The following ME1 variants were observed in gnomAD, a reference collection of about 807,000 sequenced individuals.
ME1 encodes malic enzyme 1, also known as NADP-dependent malic enzyme.
In ME1, 74 loss-of-function variants were observed where a neutral mutation model predicts 66.4. That is an observed-to-expected ratio of 1.11 (90% CI 0.92 to 1.35). The LOEUF (loss-of-function observed/expected upper bound fraction) is 1.35. Among genes scored for constraint, ME1 ranks in the 40% most tolerant of loss-of-function variants. The pLI is 0.00. For missense variants in ME1, 750 were observed against 694.1 expected, an observed-to-expected ratio of 1.08 and a Z score of -0.90; for synonymous variants, 251 against 235.6, an observed-to-expected ratio of 1.07 and a Z score of -0.60.
chr6:83,389,892 G>T (rs1769586151), intron 3 of ME1, among the ~76,000 whole-genome samples: 1 of 152,014 alleles, frequency 6.6e-6, no homozygotes. Context: ...TGGAAATTCT[G>T]CAAGAATTAA....
At chr6:83,253,146 A>G (rs934255199) in intron 7 of ME1, among the ~76,000 whole-genome samples, 1 of 152,112 alleles carries the variant, frequency 6.6e-6, no homozygotes, top group African/African-American at 2.4e-5. Context: ...GAGAGGATTA[A>G]AAAACTAGAG....
At chr6:83,383,969 T>C (rs1178802380) in intron 3 of ME1, among the ~76,000 whole-genome samples, 2 of 151,780 alleles carry the variant, frequency 1.3e-5, no homozygotes, top group Non-Finnish European at 1.5e-5. Context: ...AAATTGACAA[T>C]TTGCTGCACC....
intron 5 of ME1, among the ~76,000 whole-genome samples, chr6:83,343,111 C>T (rs1768620285): frequency 6.6e-6 from 1 of 152,120 alleles, no homozygotes. Context: ...GAACTTATTC[C>T]TTCAATTGAC....
intron 1 of ME1, among the ~76,000 whole-genome samples, chr6:83,417,907 T>C (rs11969258): frequency 0.36 from 54,056 of 152,176 alleles, 10,018 homozygotes; most frequent in Middle Eastern, 0.49. Context: ...CTTTGTAATA[T>C]TATGTATACT....
chr6:83,223,802 TC>T lies in ME1; in HGVS notation c.1406del (p.Gly469AspfsTer2). 6.2e-7 allele frequency: 1 copy of T among 1,613,844 alleles called. No homozygotes were observed. The highest frequency in any genetic ancestry group is 8.5e-7 in the Non-Finnish European group (1 of 1,179,842). On this transcript the variant is annotated frameshift_variant, in exon 12 of 14. Coordinates refer to ENST00000369705, the MANE Select transcript of ME1 (RefSeq NM_002395.6). LOFTEE classifies it high-confidence loss of function. ...AAATATTATCTGTGATCTGCCTCAA[TC>T]CACACGCCACAACACCAAGAGCAAC... is the stretch of plus-strand genomic sequence containing the variant. ...PGVALGVVAC[G>X]LRQITDNIFL...
At chr6:83,382,331 G>A (rs1463284808) in intron 3 of ME1, among the ~76,000 whole-genome samples, 1 of 152,094 alleles carries the variant, frequency 6.6e-6, no homozygotes, top group Non-Finnish European at 1.5e-5. Flanking sequence ...TCTGGTAAAG[G>A]AAGGAAGGAG....
At chr6:83,394,659 G>A (rs1410109484) in intron 3 of ME1, among the ~76,000 whole-genome samples, 1 of 152,132 alleles carries the variant, frequency 6.6e-6, no homozygotes, top group African/African-American at 2.4e-5. Flanking sequence ...TTTAAGGACA[G>A]TACTTTCAGT....
chr6:83,217,528 G>T (rs186513870), intron 12 of ME1, among the ~76,000 whole-genome samples: 19 of 152,292 alleles, frequency 1.2e-4, no homozygotes, highest in Non-Finnish European at 2.4e-4. Flanking sequence ...GTCCTTGAGA[G>T]ATGTATAATT....
At chr6:83,262,169 A>G (rs1766912159) in intron 6 of ME1, among the ~76,000 whole-genome samples, 1 of 152,190 alleles carries the variant, frequency 6.6e-6, no homozygotes, top group Non-Finnish European at 1.5e-5. Flanking sequence ...AGGCCATCTG[A>G]TGGACGGCAA....
chr6:83,306,054 C>T (rs186305772), intron 6 of ME1, among the ~76,000 whole-genome samples: 32 of 152,114 alleles, frequency 2.1e-4, no homozygotes, highest in African/African-American at 7.2e-4. Context: ...AACAAAAGAC[C>T]TTATTTTAAC....
intron 3 of ME1, among the ~76,000 whole-genome samples, chr6:83,357,929 C>A (rs1393406725): frequency 6.4e-4 from 36 of 56,284 alleles, no homozygotes; most frequent in East Asian, 1.7e-3. Flanking sequence ...CTCTCTCTCT[C>A]TCTCTCTATA....
In ME1 at chr6:83,315,426, G is replaced by C; in HGVS notation, c.601-13C>G. ...CTTTAAGTAACTCCTATTAAAAAAA[G>C]TTACCATAAAAATAGAAATAACTAT... On this transcript the variant is annotated splice_polypyrimidine_tract_variant and intron_variant, in intron 5 of 13. Coordinates refer to ENST00000369705, the MANE Select transcript of ME1 (RefSeq NM_002395.6). 6.9e-7 allele frequency: 1 copy of C among 1,459,776 alleles called. No individual in the cohort carries two copies. The allele number at this position is 1,459,776 out of a possible 1,614,324, so 90.4% of individuals were successfully genotyped here.
At chr6:83,328,540 C>T (rs1768344971) in intron 5 of ME1, among the ~76,000 whole-genome samples, 1 of 152,048 alleles carries the variant, frequency 6.6e-6, no homozygotes, top group Non-Finnish European at 1.5e-5. Context: ...TTAAGATAAT[C>T]AAGGCTTGAA....
At chr6:83,325,928 A>C (rs1562481680) in intron 5 of ME1, among the ~76,000 whole-genome samples, 1 of 144,300 alleles carries the variant, frequency 6.9e-6, no homozygotes, top group Non-Finnish European at 1.5e-5. Flanking sequence ...AGCAAAAAAA[A>C]CACAAAAAAA....
intron 3 of ME1, among the ~76,000 whole-genome samples, chr6:83,360,270 G>T (rs961585546): frequency 1.3e-5 from 2 of 152,082 alleles, no homozygotes; most frequent in African/African-American, 2.4e-5. Context: ...GGAGACCTCT[G>T]GCCTTTTACC....
chr6:83,240,214 A>C (rs1488985301), intron 7 of ME1, among the ~76,000 whole-genome samples: 1 of 152,016 alleles, frequency 6.6e-6, no homozygotes. Context: ...TCAGAACCTG[A>C]GATAGGAGGA....
chr6:83,218,920 T>G (rs896791512), intron 12 of ME1, among the ~76,000 whole-genome samples: 1 of 152,184 alleles, frequency 6.6e-6, no homozygotes, highest in African/African-American at 2.4e-5. Context: ...GACATGACAT[T>G]TGAATTGGAT....
intron 6 of ME1, among the ~76,000 whole-genome samples, chr6:83,306,339 T>C (rs1042694503): frequency 3.3e-5 from 5 of 151,998 alleles, no homozygotes; most frequent in Non-Finnish European, 5.9e-5. Context: ...TTTGAAATCA[T>C]AATGATTATC....
At chr6:83,324,115 A>G (rs1001573077) in intron 5 of ME1, among the ~76,000 whole-genome samples, 1 of 152,116 alleles carries the variant, frequency 6.6e-6, no homozygotes, top group African/African-American at 2.4e-5. Flanking sequence ...TTAAGGCAGA[A>G]ATAAATAAGT....
Sources: gnomAD v4.1 joint callset for allele counts (sites outside exome capture counted in the v4.1 genomes callset) on GRCh38, gnomAD v4.1.1 for gene constraint, MANE v1.5 for transcripts, NCBI Gene and HGNC (gene_info 2026-07-23, HGNC 2026-07-21) for gene names.